CDKN2B-AS1: variants seen among roughly 807,000 people sequenced by gnomAD.
CDKN2B-AS1 encodes CDKN2B antisense RNA 1 (non-protein coding).
chr9:22,070,340 A>G (rs1824239196), intron 4 of CDKN2B-AS1, among the ~76,000 whole-genome samples: 1 of 152,190 alleles, frequency 6.6e-6, no homozygotes, highest in Admixed American at 6.5e-5. Context: ...TAAATAATAT[A>G]TAATTGTATT....
intron 4 of CDKN2B-AS1, among the ~76,000 whole-genome samples, chr9:22,074,082 C>T (rs1440672581): frequency 6.6e-6 from 1 of 152,066 alleles, no homozygotes; most frequent in African/African-American, 2.4e-5. Context: ...AGGCTGGTCT[C>T]GAACTCCTAG....
At chr9:22,015,827 G>A (rs965048874) in intron 1 of CDKN2B-AS1, among the ~76,000 whole-genome samples, 6 of 152,074 alleles carry the variant, frequency 3.9e-5, no homozygotes, top group Non-Finnish European at 8.8e-5. Flanking sequence ...GTTTTGATTT[G>A]CATTTCTCTG....
chr9:22,085,005 T>A (rs1824820366), intron 4 of CDKN2B-AS1, among the ~76,000 whole-genome samples: 1 of 152,044 alleles, frequency 6.6e-6, no homozygotes, highest in East Asian at 1.9e-4. Context: ...CAGCACAGTG[T>A]TTTGGTATGA....
At chr9:22,051,783 T>A (rs183272939) in intron 3 of CDKN2B-AS1, among the ~76,000 whole-genome samples, 3 of 152,266 alleles carry the variant, frequency 2.0e-5, no homozygotes, top group African/African-American at 7.2e-5. Context: ...CTTCTAGGTA[T>A]ATTATACTCA....
chr9:22,091,368 T>G (rs1825077093), intron 4 of CDKN2B-AS1, among the ~76,000 whole-genome samples: 1 of 152,196 alleles, frequency 6.6e-6, no homozygotes, highest in African/African-American at 2.4e-5. Flanking sequence ...GTGAAGAAAG[T>G]CATTGGTAGC....
Position 22,001,943 on chromosome 9 carries a change from T to A in CDKN2B-AS1, n.29+6782T>A, listed in dbSNP as rs754346745. 8.5e-5 allele frequency among the ~76,000 whole-genome samples: 13 copies of A among 152,268 alleles called. No individual in the cohort carries two copies. Among genetic ancestry groups the A allele is most frequent in the Non-Finnish European group, 1.6e-4 (11 of 67,948 alleles). On this transcript the variant is annotated intron_variant and non_coding_transcript_variant, in intron 1 of 4. Transcript: ENST00000650946. The surrounding 1 kb of genome is among the most constrained non-coding windows in gnomAD (Gnocchi z 4.2). ...ATTCCCTCTTTCTTTCCTGTCGTTA[T>A]AAGTAGAATAGGAAAATATTGAAAG...
chr9:22,016,880 A>G (rs1206316666), intron 1 of CDKN2B-AS1, among the ~76,000 whole-genome samples: 1 of 152,232 alleles, frequency 6.6e-6, no homozygotes, highest in East Asian at 1.9e-4. Context: ...AGATTTAAAC[A>G]TAATTGCTAT....
intron 4 of CDKN2B-AS1, among the ~76,000 whole-genome samples, chr9:22,078,634 C>T (rs566344581): frequency 6.6e-6 from 1 of 152,306 alleles, no homozygotes; most frequent in East Asian, 1.9e-4. Context: ...TTCAGCAGGT[C>T]TGGAGTAGGG....
chr9:22,071,752 G>A (rs4645630), intron 4 of CDKN2B-AS1, among the ~76,000 whole-genome samples: 93,004 of 151,496 alleles, frequency 0.61, 28,696 homozygotes, highest in Middle Eastern at 0.76. Flanking sequence ...ATTATTTTTC[G>A]TATTAATGAG....
rs148135767 is a variant in CDKN2B-AS1 at position 22,059,396 on chromosome 9, C to A, written n.438+3009C>A. On this transcript the variant is annotated intron_variant and non_coding_transcript_variant, in intron 4 of 4. Transcript: ENST00000650946. ...TCCAAAATCCAGCGAGGCAGTCAAA[C>A]TTTGAAGCTCCAAAATGATCTCCTG... is the stretch of plus-strand genomic sequence containing the variant. Among the ~76,000 whole-genome samples, 149 of 152,286 alleles carry A rather than the reference C, an allele frequency of 9.8e-4. 1 individual carries two copies. The highest frequency in any genetic ancestry group is 3.2e-3 in the African/African-American group (133 of 41,562).
chr9:22,012,106 C>A (rs1009957287), intron 1 of CDKN2B-AS1: 21 of 793,884 alleles, frequency 2.6e-5, no homozygotes, highest in Non-Finnish European at 4.1e-5. Flanking sequence ...ATGAACAGAT[C>A]TGCCATCCTC....
chr9:22,089,755 C>T (rs1038562869), intron 4 of CDKN2B-AS1, among the ~76,000 whole-genome samples: 8 of 151,914 alleles, frequency 5.3e-5, no homozygotes, highest in African/African-American at 1.9e-4. Context: ...CCCTAGCAGA[C>T]GTCTTACTTT....
chr9:22,115,734 C>G (rs796323646), intron 4 of CDKN2B-AS1, among the ~76,000 whole-genome samples: 1 of 152,000 alleles, frequency 6.6e-6, no homozygotes, highest in African/African-American at 2.4e-5. Flanking sequence ...ATCACATGGA[C>G]TTGGGGATTA....
At chr9:22,015,170 C>T (rs1465189613) in intron 1 of CDKN2B-AS1, among the ~76,000 whole-genome samples, 1 of 152,116 alleles carries the variant, frequency 6.6e-6, no homozygotes, top group Non-Finnish European at 1.5e-5. Context: ...TTCTAGATCC[C>T]TGAGAAATCG....
rs1045624036 is a variant in CDKN2B-AS1, at chr9:22,076,873, A to G, written n.438+20486A>G. ...ACATTTGGCTAATTTTTGTAGAGAC[A>G]GGGTTTCACCATGTTGCTCAGGCTG... On this transcript the variant is annotated intron_variant and non_coding_transcript_variant, in intron 4 of 4. Coordinates refer to ENST00000650946, the Ensembl canonical transcript of CDKN2B-AS1. 7.2e-5 allele frequency among the ~76,000 whole-genome samples: 11 copies of G among 152,062 alleles called. No homozygotes were observed. The East Asian group carries it at 9.7e-4, about 13-fold the overall frequency.
intron 1 of CDKN2B-AS1, among the ~76,000 whole-genome samples, chr9:22,011,317 A>G (rs1411899776): frequency 6.6e-6 from 1 of 152,260 alleles, no homozygotes; most frequent in Non-Finnish European, 1.5e-5. Flanking sequence ...CTCTGTATAA[A>G]GAATATTATA....
At chr9:22,003,337 A>G (rs568067727) in intron 1 of CDKN2B-AS1, 2 of 223,252 alleles carry the variant, frequency 9.0e-6, no homozygotes, top group African/African-American at 4.4e-5. Flanking sequence ...GGGATCCACA[A>G]TAACATTTTC....
intron 1 of CDKN2B-AS1, chr9:22,008,895 C>G (rs945208403): frequency 1.1e-5 from 18 of 1,612,710 alleles, no homozygotes; most frequent in Non-Finnish European, 1.4e-5. Flanking sequence ...CGCCGCGGCG[C>G]TGGCCAGACC....
chr9:22,074,720 C>T (rs1355801763), intron 4 of CDKN2B-AS1, among the ~76,000 whole-genome samples: 3 of 152,174 alleles, frequency 2.0e-5, no homozygotes, highest in African/African-American at 7.2e-5. Flanking sequence ...TCCCCACCCA[C>T]TACCTCTCCT....
Sources: allele counts gnomAD v4.1 joint callset (sites outside exome capture counted in the v4.1 genomes callset), GRCh38; gene constraint gnomAD v4.1.1; non-coding constraint Gnocchi (gnomAD v3.1); transcripts MANE v1.5; gene names NCBI Gene and HGNC (gene_info 2026-07-23, HGNC 2026-07-21).